Variants in CACNB2 observed in about 807,000 individuals in gnomAD.
The protein encoded by CACNB2 is calcium voltage-gated channel auxiliary subunit beta 2, also known as voltage-dependent L-type calcium channel subunit beta-2.
In CACNB2, 42 loss-of-function variants were observed where a neutral mutation model predicts 73.3. The ratio of observed to expected loss-of-function variants is 0.57; its 90% confidence interval spans 0.45 to 0.74. CACNB2 has a LOEUF of 0.74. Among genes scored for constraint, CACNB2 ranks in the 30% least tolerant of loss-of-function variants. The pLI is 0.00. For synonymous variants in CACNB2, 348 were observed against 310.3 expected, an observed-to-expected ratio of 1.12 and a Z score of -1.28; for missense variants, 940 against 853.0, an observed-to-expected ratio of 1.10 and a Z score of -1.27.
rs1360116034 is a variant in CACNB2, at chr10:18,371,462, G to GT, written c.214-30455dup. Among the ~76,000 whole-genome samples, 5 of 151,656 alleles carry GT rather than the reference G, an allele frequency of 3.3e-5. No homozygotes were observed. The East Asian group carries it at 9.7e-4, about 30-fold the overall frequency. On this transcript the variant is annotated intron_variant, in intron 2 of 13. Coordinates refer to ENST00000324631, the MANE Select transcript of CACNB2 (RefSeq NM_201596.3). ...TATGAGTGAGAACATGTGGTGTTTG[G>GT]TTTTTTTGTCCTTGCGATAGTTTGC...
chr10:18,519,179 C>T (rs1007561312), intron 9 of CACNB2, among the ~76,000 whole-genome samples: 1 of 152,204 alleles, frequency 6.6e-6, no homozygotes, highest in African/African-American at 2.4e-5. Context: ...CCTGTACCTA[C>T]ATCCATAAGC....
chr10:18,450,510 TC>T (rs1564563655), intron 3 of CACNB2, among the ~76,000 whole-genome samples: 2 of 151,842 alleles, frequency 1.3e-5, no homozygotes, highest in African/African-American at 4.8e-5. Flanking sequence ...CCGTAAGGAA[TC>T]CCCCAGGACT....
At chr10:18,493,907 C>T (rs148296042) in intron 3 of CACNB2, among the ~76,000 whole-genome samples, 29 of 152,282 alleles carry the variant, frequency 1.9e-4, no homozygotes, top group African/African-American at 7.0e-4. Flanking sequence ...CCCCGCATCC[C>T]TTGACTGTAC....
At chr10:18,281,776 C>T (rs981756930) in intron 2 of CACNB2, among the ~76,000 whole-genome samples, 18 of 151,764 alleles carry the variant, frequency 1.2e-4, no homozygotes, top group African/African-American at 3.6e-4. Flanking sequence ...GTCAGGAGTT[C>T]GAGACCAGCC....
chr10:18,378,704 T>C (rs899139216), intron 2 of CACNB2, among the ~76,000 whole-genome samples: 6 of 152,158 alleles, frequency 3.9e-5, no homozygotes, highest in African/African-American at 1.2e-4. Flanking sequence ...TGAGCTATGA[T>C]GGCACCACTG....
chr10:18,161,619 T>C (rs1363829170), intron 2 of CACNB2, among the ~76,000 whole-genome samples: 7 of 129,220 alleles, frequency 5.4e-5, no homozygotes, highest in Non-Finnish European at 9.9e-5. Context: ...AGTTGGAACA[T>C]GGCAAATCTC....
intron 2 of CACNB2, among the ~76,000 whole-genome samples, chr10:18,369,140 A>G (rs1383644573): frequency 6.6e-6 from 1 of 152,228 alleles, no homozygotes; most frequent in Non-Finnish European, 1.5e-5. Context: ...TGAGGTCTAC[A>G]TAACTGTTTT....
intron 5 of CACNB2, among the ~76,000 whole-genome samples, chr10:18,505,523 T>C (rs761379988): frequency 1.3e-5 from 2 of 152,232 alleles, no homozygotes; most frequent in African/African-American, 4.8e-5. Flanking sequence ...AAAACTTTTA[T>C]TTCCATATTA....
At chr10:18,444,465 A>C (rs1015819709) in intron 3 of CACNB2, among the ~76,000 whole-genome samples, 1 of 152,226 alleles carries the variant, frequency 6.6e-6, no homozygotes, top group Admixed American at 6.5e-5. Flanking sequence ...GCATTATTCT[A>C]AGTCCTTCAC....
chr10:18,246,605 G>C (rs530600310), intron 2 of CACNB2, among the ~76,000 whole-genome samples: 1 of 151,996 alleles, frequency 6.6e-6, no homozygotes, highest in Non-Finnish European at 1.5e-5. Flanking sequence ...TTTACAGTCA[G>C]GGTCTCACTC....
chr10:18,305,366 A>T (rs573085586), intron 2 of CACNB2, among the ~76,000 whole-genome samples: 55 of 152,346 alleles, frequency 3.6e-4, no homozygotes, highest in African/African-American at 1.3e-3. Flanking sequence ...TTTTGAAATA[A>T]GATTGGAGAA....
At chr10:18,295,996 G>GTGTTTT (rs2039264762) in intron 2 of CACNB2, among the ~76,000 whole-genome samples, 1 of 106,222 alleles carries the variant, frequency 9.4e-6, no homozygotes, top group Non-Finnish European at 1.9e-5. Context: ...TTCTTTTTGC[G>GTGTTTT]TGTTTTTTTT....
At chr10:18,301,854 G>A (rs1482460558) in intron 2 of CACNB2, among the ~76,000 whole-genome samples, 4 of 151,922 alleles carry the variant, frequency 2.6e-5, no homozygotes, top group South Asian at 2.1e-4. Context: ...TCACCATGTT[G>A]GCCAGGCTGG....
intron 2 of CACNB2, among the ~76,000 whole-genome samples, chr10:18,177,905 TG>T (rs927522505): frequency 6.6e-6 from 1 of 152,220 alleles, no homozygotes; most frequent in Non-Finnish European, 1.5e-5. Flanking sequence ...ATAGTGAGTT[TG>T]GGGTGCCAAG....
rs529139658 is a variant in CACNB2, at chr10:18,461,455, A to G, written c.334-36900A>G. ...CAGTGTTCATGACTTCCCTGATTCTATCAAGATATATTTATATTTTTTGAA... is the reference window on the plus strand; with the variant it reads ...CAGTGTTCATGACTTCCCTGATTCTGTCAAGATATATTTATATTTTTTGAA... On this transcript the variant is annotated intron_variant, in intron 3 of 13. Coordinates refer to ENST00000324631, the MANE Select transcript of CACNB2 (RefSeq NM_201596.3). Among the ~76,000 whole-genome samples the G allele has an allele frequency of 3.9e-5, 6 of 152,018 alleles. No individual in the cohort carries two copies. The East Asian group carries it at 1.2e-3, about 29-fold the overall frequency.
intron 11 of CACNB2, among the ~76,000 whole-genome samples, chr10:18,534,477 C>T (rs529827255): frequency 7.9e-4 from 120 of 152,234 alleles, no homozygotes; most frequent in African/African-American, 2.8e-3. Flanking sequence ...AAACTACTTC[C>T]ATGATAATAC....
At chr10:18,463,606 T>G (rs927258482) in intron 3 of CACNB2, among the ~76,000 whole-genome samples, 4 of 117,808 alleles carry the variant, frequency 3.4e-5, no homozygotes, top group East Asian at 2.4e-4. Context: ...TTGTTTTTTG[T>G]TTTTTTTTTG....
intron 2 of CACNB2, among the ~76,000 whole-genome samples, chr10:18,333,049 T>C (rs2040863692): frequency 6.6e-6 from 1 of 152,186 alleles, no homozygotes; most frequent in East Asian, 1.9e-4. Context: ...CTAGAATTGC[T>C]TGAAGTGGCA....
At chr10:18,293,399 C>T (rs1009619156) in intron 2 of CACNB2, among the ~76,000 whole-genome samples, 1 of 152,146 alleles carries the variant, frequency 6.6e-6, no homozygotes, top group African/African-American at 2.4e-5. Flanking sequence ...CTACTTTCTG[C>T]CAGCACATAA....
Sources: allele counts gnomAD v4.1 joint callset (sites outside exome capture counted in the v4.1 genomes callset), GRCh38; gene constraint gnomAD v4.1.1; transcripts MANE v1.5; gene names NCBI Gene and HGNC (gene_info 2026-07-23, HGNC 2026-07-21).